WWOX: variants seen among roughly 807,000 people sequenced by gnomAD.
The protein encoded by WWOX is WW domain-containing oxidoreductase.
WWOX carries 69 observed loss-of-function variants against 46.2 expected under a neutral mutation model. That is an observed-to-expected ratio of 1.49 (90% CI 1.23 to 1.82). The LOEUF is 1.82. WWOX is among the 40% of genes most tolerant of loss of function. WWOX has a pLI of 0.00. For synonymous variants in WWOX, 359 were observed against 202.6 expected (o/e 1.77, Z -6.56); for missense variants, 919 against 542.6 (o/e 1.69, Z -6.89).
At chr16:78,776,094 C>G (rs1462292417) in intron 8 of WWOX, among the ~76,000 whole-genome samples, 1 of 152,178 alleles carries the variant, frequency 6.6e-6, no homozygotes, top group Non-Finnish European at 1.5e-5. Flanking sequence ...ATTCCAACTT[C>G]CAAACTTAGA....
intron 8 of WWOX, among the ~76,000 whole-genome samples, chr16:78,739,552 C>G (rs2049166707): frequency 6.6e-6 from 1 of 152,140 alleles, no homozygotes; most frequent in African/African-American, 2.4e-5. Flanking sequence ...TGGCTCACGC[C>G]TGTAATCCAG....
intron 8 of WWOX, among the ~76,000 whole-genome samples, chr16:79,007,031 G>A (rs1428555347): frequency 2.0e-5 from 3 of 152,040 alleles, no homozygotes; most frequent in Non-Finnish European, 4.4e-5. Context: ...GTGGGATGGG[G>A]GTATCTCTAG....
At chr16:78,809,408 C>G (rs1175891549) in intron 8 of WWOX, among the ~76,000 whole-genome samples, 2 of 150,912 alleles carry the variant, frequency 1.3e-5, no homozygotes, top group Non-Finnish European at 2.9e-5. Flanking sequence ...ATATATTCTG[C>G]TTCCCTTCCC....
intron 5 of WWOX, among the ~76,000 whole-genome samples, chr16:78,291,681 G>A (rs115859199): frequency 4.6e-5 from 7 of 152,066 alleles, no homozygotes; most frequent in African/African-American, 1.7e-4. Context: ...GGATTGGCTT[G>A]GCTTTTTATC....
At chr16:78,263,720 G>A (rs1305599388) in intron 5 of WWOX, among the ~76,000 whole-genome samples, 1 of 152,206 alleles carries the variant, frequency 6.6e-6, no homozygotes, top group African/African-American at 2.4e-5. Context: ...TTACTGATGA[G>A]AAGAATGCCT....
chr16:78,772,985 G>T (rs370559777), intron 8 of WWOX, among the ~76,000 whole-genome samples: 1 of 152,146 alleles, frequency 6.6e-6, no homozygotes, highest in Non-Finnish European at 1.5e-5. Context: ...TCATCATGCC[G>T]CTGTGCTCCA....
chr16:78,521,524 T>A (rs191205275), intron 8 of WWOX, among the ~76,000 whole-genome samples: 2 of 152,332 alleles, frequency 1.3e-5, no homozygotes, highest in East Asian at 3.9e-4. Flanking sequence ...ATTATGTGTT[T>A]AGGTTTCCTC....
chr16:78,369,652 T>G (rs1462150356), intron 5 of WWOX, among the ~76,000 whole-genome samples: 2 of 151,414 alleles, frequency 1.3e-5, no homozygotes, highest in African/African-American at 4.8e-5. Flanking sequence ...TTATCCATCC[T>G]ATTGTGGGAC....
chr16:79,050,846 C>G (rs141438922), intron 8 of WWOX, among the ~76,000 whole-genome samples: 6 of 152,184 alleles, frequency 3.9e-5, no homozygotes, highest in South Asian at 2.1e-4. Context: ...TGTTAAACTT[C>G]TTGCACTGAG....
At chr16:78,888,332 C>T (rs186532468) in intron 8 of WWOX, among the ~76,000 whole-genome samples, 19 of 152,254 alleles carry the variant, frequency 1.2e-4, no homozygotes, top group Admixed American at 8.5e-4. Context: ...TTGTTGTTTC[C>T]TTCTCAGAAC....
At chr16:78,295,360 C>G (rs956471334) in intron 5 of WWOX, among the ~76,000 whole-genome samples, 1 of 152,116 alleles carries the variant, frequency 6.6e-6, no homozygotes, top group Admixed American at 6.5e-5. Context: ...TATGCATGAT[C>G]TTAGGGGAAG....
intron 8 of WWOX, among the ~76,000 whole-genome samples, chr16:79,140,853 G>A (rs1466801321): frequency 6.6e-6 from 1 of 152,162 alleles, no homozygotes; most frequent in African/African-American, 2.4e-5. Flanking sequence ...CACTCAAACA[G>A]TTTCCGTACG....
At chr16:79,185,712 C>A (rs80343133) in intron 8 of WWOX, among the ~76,000 whole-genome samples, 4,336 of 152,150 alleles carry the variant, frequency 0.028, 69 homozygotes, top group South Asian at 0.045. Context: ...TCTGTGTTGT[C>A]TTGAGAGCAG....
intron 8 of WWOX, among the ~76,000 whole-genome samples, chr16:78,801,530 A>G (rs1040816804): frequency 2.6e-5 from 4 of 152,180 alleles, no homozygotes; most frequent in Admixed American, 1.3e-4. Context: ...AACCCTTGCT[A>G]TTTTAGCTTC....
chr16:78,574,969 C>T (rs150614116), intron 8 of WWOX, among the ~76,000 whole-genome samples: 2,117 of 110,546 alleles, frequency 0.019, 105 homozygotes, highest in Admixed American at 0.057. Flanking sequence ...ACTTTATAGA[C>T]CCTGAATATA....
chr16:78,393,595 C>G (rs936810574), intron 6 of WWOX, among the ~76,000 whole-genome samples: 1 of 152,106 alleles, frequency 6.6e-6, no homozygotes, highest in African/African-American at 2.4e-5. Context: ...GGTGACGACA[C>G]CTGAGATATT....
chr16:78,460,192 A>T (rs980005933), intron 8 of WWOX, among the ~76,000 whole-genome samples: 1 of 151,598 alleles, frequency 6.6e-6, no homozygotes, highest in African/African-American at 2.4e-5. Context: ...CAGTGGCACT[A>T]TCTGGGCTCA....
intron 8 of WWOX, 48 bp from the exon 9 acceptor site, chr16:79,211,560 C>A: frequency 1.2e-6 from 2 of 1,612,750 alleles, no homozygotes; most frequent in Non-Finnish European, 1.7e-6. Flanking sequence ...GCCATCTCAT[C>A]ACTCCTTTTC....
chr16:78,169,902 C>T lies in WWOX; in HGVS notation c.516+5613C>T, dbSNP rs1242230667. 2.6e-5 allele frequency among the ~76,000 whole-genome samples: 4 copies of T among 152,152 alleles called. 1 individual carries two copies. Among genetic ancestry groups the T allele is most frequent in the Admixed American group, 2.0e-4 (3 of 15,278 alleles). On this transcript the variant is annotated intron_variant, in intron 5 of 8. Coordinates refer to ENST00000566780, the MANE Select transcript of WWOX (RefSeq NM_016373.4). ...TTTAACAGAGAGTGCAGAAGAGCTT[C>T]TGTTGGGGACTGGCCATTAGTATAG... is the stretch of plus-strand genomic sequence containing the variant.
Sources: allele counts gnomAD v4.1 joint callset (sites outside exome capture counted in the v4.1 genomes callset), GRCh38; gene constraint gnomAD v4.1.1; transcripts MANE v1.5; gene names NCBI Gene and HGNC (gene_info 2026-07-23, HGNC 2026-07-21).